The following CSMD1 variants were observed in gnomAD, a reference collection of about 807,000 sequenced individuals.
The protein encoded by CSMD1 is CUB and Sushi multiple domains 1, also known as CUB and sushi domain-containing protein 1.
Under a neutral mutation model 417.5 loss-of-function variants are expected in CSMD1, and 213 were observed. That is an observed-to-expected ratio of 0.51 (90% CI 0.46 to 0.57). CSMD1 has a LOEUF of 0.57. Among genes scored for constraint, CSMD1 ranks in the 20% least tolerant of loss-of-function variants. The pLI is 0.00. For synonymous variants in CSMD1, 2,862 were observed against 1,736.8 expected, an observed-to-expected ratio of 1.65 and a Z score of -16.11; for missense variants, 6,923 against 4,529.7, an observed-to-expected ratio of 1.53 and a Z score of -15.17.
intron 26 of CSMD1, among the ~76,000 whole-genome samples, chr8:3,232,838 C>T (rs1264379106): frequency 2.6e-5 from 4 of 151,782 alleles, no homozygotes; most frequent in Admixed American, 1.3e-4. Flanking sequence ...AGTAGACTTT[C>T]TAGAAATTTC....
intron 1 of CSMD1, among the ~76,000 whole-genome samples, chr8:4,735,978 G>T (rs1044108700): frequency 2.0e-5 from 3 of 152,110 alleles, no homozygotes; most frequent in Admixed American, 6.6e-5. Context: ...TTCCTGAACT[G>T]AGTTCATAGC....
At chr8:2,992,795 G>A (rs1806512162) in intron 54 of CSMD1, among the ~76,000 whole-genome samples, 1 of 151,912 alleles carries the variant, frequency 6.6e-6, no homozygotes, top group South Asian at 2.1e-4. Flanking sequence ...CAGGCTGGAA[G>A]TGCCGTGTCT....
chr8:3,340,983 C>G (rs1807604383), intron 23 of CSMD1, among the ~76,000 whole-genome samples: 1 of 152,174 alleles, frequency 6.6e-6, no homozygotes, highest in Non-Finnish European at 1.5e-5. Flanking sequence ...AACATTTGTG[C>G]TACTATGTAA....
At chr8:3,586,040 C>T (rs755919567) in intron 9 of CSMD1, 96 bp downstream of exon 9, 2 of 1,260,852 alleles carry the variant, frequency 1.6e-6, no homozygotes, top group Non-Finnish European at 2.2e-6. Flanking sequence ...TCTACTCTTC[C>T]CATACACAAT....
chr8:4,399,340 A>T (rs1276794566), intron 3 of CSMD1, among the ~76,000 whole-genome samples: 1 of 152,230 alleles, frequency 6.6e-6, no homozygotes, highest in Non-Finnish European at 1.5e-5. Context: ...AATACACCAT[A>T]TAGTGAAGTA....
chr8:3,620,947 T>C (rs904434490), intron 7 of CSMD1, among the ~76,000 whole-genome samples: 2 of 152,174 alleles, frequency 1.3e-5, no homozygotes, highest in African/African-American at 2.4e-5. Context: ...TATTTGGAGA[T>C]AGAGACTTTA....
chr8:3,826,444 T>G (rs1802059624), intron 5 of CSMD1, among the ~76,000 whole-genome samples: 2 of 152,192 alleles, frequency 1.3e-5, no homozygotes, highest in African/African-American at 4.8e-5. Context: ...TGGGCTTCCC[T>G]TGCTCCCGGC....
intron 49 of CSMD1, among the ~76,000 whole-genome samples, chr8:3,059,881 G>A (rs1201460892): frequency 6.6e-6 from 1 of 152,116 alleles, no homozygotes; most frequent in Non-Finnish European, 1.5e-5. Context: ...TCTCAAACGG[G>A]ATTCACTTCA....
In CSMD1 at chr8:4,390,497, T is replaced by TTTATTTA. The variant is rs1554457298; in HGVS notation, c.415+29455_415+29456insTAAATAA. ...AACTGTTACCCACAGAAGCGTCCAT[T>TTTATTTA]TTTATTTATTTATTTATTTATTTAT... On this transcript the variant is annotated intron_variant, in intron 3 of 69. Coordinates refer to ENST00000635120, the MANE Select transcript of CSMD1 (RefSeq NM_033225.6). Among the ~76,000 whole-genome samples the TTTATTTA allele has an allele frequency of 4.5e-3, 635 of 140,362 alleles. 3 individuals are homozygous for TTTATTTA. Among genetic ancestry groups the TTTATTTA allele is most frequent in the African/African-American group, 0.015 (575 of 37,140 alleles). The allele number at this position is 140,362 out of a possible 152,430, so 92.1% of individuals were successfully genotyped here.
At chr8:3,365,261 G>T (rs978182494) in intron 20 of CSMD1, among the ~76,000 whole-genome samples, 2 of 152,192 alleles carry the variant, frequency 1.3e-5, no homozygotes, top group Non-Finnish European at 2.9e-5. Flanking sequence ...AGTCTTGAAA[G>T]CTTCACTTGA....
intron 5 of CSMD1, among the ~76,000 whole-genome samples, chr8:3,852,546 T>C (rs1390980454): frequency 4.6e-5 from 7 of 152,028 alleles, no homozygotes; most frequent in Non-Finnish European, 7.4e-5. Flanking sequence ...GTGTTAGGGA[T>C]TGAGGAAGGT....
At chr8:3,912,409 A>G (rs752281046) in intron 5 of CSMD1, among the ~76,000 whole-genome samples, 1 of 152,152 alleles carries the variant, frequency 6.6e-6, no homozygotes, top group Non-Finnish European at 1.5e-5. Context: ...GCAGGGACAA[A>G]TAGGGTGGGA....
intron 3 of CSMD1, among the ~76,000 whole-genome samples, chr8:4,079,932 C>G (rs1358551480): frequency 5.3e-5 from 8 of 151,222 alleles, no homozygotes; most frequent in Admixed American, 4.6e-4. Context: ...TTCTCAGTGT[C>G]TTCTCATGGA....
intron 2 of CSMD1, among the ~76,000 whole-genome samples, chr8:4,484,707 C>T (rs1418985986): frequency 3.3e-5 from 5 of 152,008 alleles, no homozygotes; most frequent in African/African-American, 4.8e-5. Flanking sequence ...CGATGGCTCA[C>T]GCCTGTAATC....
At chr8:4,793,966 T>C (rs981428737) in intron 1 of CSMD1, among the ~76,000 whole-genome samples, 1 of 152,136 alleles carries the variant, frequency 6.6e-6, no homozygotes, top group Admixed American at 6.6e-5. Flanking sequence ...CTGTTAGGAA[T>C]AGTTAACTAC....
chr8:3,152,273 C>T (rs1819243378), intron 39 of CSMD1, among the ~76,000 whole-genome samples: 2 of 152,228 alleles, frequency 1.3e-5, no homozygotes, highest in Admixed American at 1.3e-4. Flanking sequence ...ACTGATTTTA[C>T]AACAAACATG....
Position 4,875,160 on chromosome 8 carries a change from A to C in CSMD1, c.85+119172T>G, listed in dbSNP as rs543666776. Among the ~76,000 whole-genome samples the C allele has an allele frequency of 3.9e-5, 6 of 152,074 alleles. No individual in the cohort carries two copies. In the East Asian group the frequency reaches 7.7e-4, roughly 20 times the overall value. On this transcript the variant is annotated intron_variant, in intron 1 of 69. Coordinates refer to ENST00000635120, the MANE Select transcript of CSMD1 (RefSeq NM_033225.6). ...GTAAGGTAGTATGTGCTCTGCCTAC[A>C]AATCTTGAAAGATTCGTGTCTCTTT...
At position 2,938,529 on chromosome 8, in the gene CSMD1, C is replaced by T. The variant is rs1044669383; in HGVS notation, c.*56G>A. The T allele has an allele frequency of 6.5e-7, 1 of 1,528,222 alleles. No individual in the cohort carries two copies. The highest frequency in any genetic ancestry group is 8.9e-7 in the Non-Finnish European group (1 of 1,124,390). The allele number at this position is 1,528,222 out of a possible 1,614,324, so 94.7% of individuals were successfully genotyped here. On this transcript the variant is annotated 3_prime_UTR_variant, in exon 70 of 70. Transcript: ENST00000635120. Reference sequence around the variant, plus strand: ...GAGTGGTATATGGCACCAAAGGAATCACTGCTTGTCCATCAGAGGTATGGC... The same window carrying T: ...GAGTGGTATATGGCACCAAAGGAATTACTGCTTGTCCATCAGAGGTATGGC...
intron 5 of CSMD1, among the ~76,000 whole-genome samples, chr8:3,987,270 A>T (rs1814405676): frequency 6.6e-6 from 1 of 152,170 alleles, no homozygotes; most frequent in South Asian, 2.1e-4. Flanking sequence ...CACACAGCCC[A>T]GTGTTTCTGT....
Sources: allele counts gnomAD v4.1 joint callset (sites outside exome capture counted in the v4.1 genomes callset), GRCh38; gene constraint gnomAD v4.1.1; transcripts MANE v1.5; gene names NCBI Gene and HGNC (gene_info 2026-07-23, HGNC 2026-07-21).